SLC38A11: variants seen among roughly 807,000 people sequenced by gnomAD.
SLC38A11 encodes solute carrier family 38 member 11, also known as putative sodium-coupled neutral amino acid transporter 11.
SLC38A11 carries 51 observed loss-of-function variants against 49.4 expected under a neutral mutation model. The observed-to-expected ratio is 1.03, with a 90% CI of 0.83 to 1.30. The LOEUF is 1.30. SLC38A11 is among the 50% of genes most tolerant of loss of function. The pLI, the probability that SLC38A11 is intolerant of heterozygous loss-of-function variation, is 0.00. For synonymous variants in SLC38A11, 203 were observed against 192.9 expected, an observed-to-expected ratio of 1.05 and a Z score of -0.43; for missense variants, 574 against 556.2, an observed-to-expected ratio of 1.03 and a Z score of -0.32.
At chr2:164,952,108 C>T (rs963167223) in intron 3 of SLC38A11, among the ~76,000 whole-genome samples, 4 of 152,028 alleles carry the variant, frequency 2.6e-5, no homozygotes, top group African/African-American at 9.7e-5. Context: ...AGTTGTAAAG[C>T]CTGCATTTAA....
chr2:164,933,637 T>G (rs1046871833), intron 7 of SLC38A11, among the ~76,000 whole-genome samples: 1 of 152,140 alleles, frequency 6.6e-6, no homozygotes, highest in Admixed American at 6.6e-5. Flanking sequence ...AACACCACTT[T>G]AAAAGACCTA....
chr2:164,938,975 C>G (rs549991444), intron 6 of SLC38A11, among the ~76,000 whole-genome samples: 1 of 152,040 alleles, frequency 6.6e-6, no homozygotes, highest in Non-Finnish European at 1.5e-5. Flanking sequence ...TGGCAAAATT[C>G]TCAAAAATTG....
chr2:164,949,832 G>A (rs916557531), intron 3 of SLC38A11: 4 of 152,222 alleles, frequency 2.6e-5, no homozygotes, highest in Non-Finnish European at 5.9e-5. Context: ...GTCACAGAGT[G>A]AGAGAGCAGT....
At chr2:164,921,278 G>A (rs1015622268) in intron 7 of SLC38A11, among the ~76,000 whole-genome samples, 2 of 152,078 alleles carry the variant, frequency 1.3e-5, no homozygotes, top group South Asian at 2.1e-4. Flanking sequence ...TTCATTAAAA[G>A]CCATTTGTAA....
Position 164,896,217 on chromosome 2 carries a change from G to A in SLC38A11, c.*2220C>T, listed in dbSNP as rs1304010855. On this transcript the variant is annotated 3_prime_UTR_variant, in exon 12 of 12. Transcript: ENST00000685975. ...CCTAAGATTTATTAAATTATAATTT[G>A]AAAGATGTCGGTAATCCGTGCAGCT... 6.6e-6 allele frequency: 1 copy of A among 152,120 alleles called. No homozygotes were observed. The highest frequency in any genetic ancestry group is 1.5e-5 in the Non-Finnish European group (1 of 67,992). 9.4% of individuals were successfully genotyped at this position (152,120 alleles called of 1,614,324 possible). A position where few individuals can be genotyped will look rare whatever the true frequency, so the allele number is the denominator to read the frequency against.
chr2:164,911,620 A>C lies in SLC38A11; in HGVS notation c.963+16T>G. On this transcript the variant is annotated intron_variant, in intron 10 of 11. Transcript: ENST00000685975. The stretch of plus-strand genomic sequence containing the variant: ...GAGATCACCTGGGTAAAGCGTTGGG[A>C]AGGAACCGCGCTTACCTCTCTTGTC... 4 of 1,375,756 alleles carry C rather than the reference A, an allele frequency of 2.9e-6. No individual in the cohort carries two copies. Among genetic ancestry groups the C allele is most frequent in the Non-Finnish European group, 4.0e-6 (4 of 993,622 alleles). The allele number at this position is 1,375,756 out of a possible 1,614,324, so 85.2% of individuals were successfully genotyped here.
intron 2 of SLC38A11, among the ~76,000 whole-genome samples, chr2:164,954,244 C>T (rs541170906): frequency 2.0e-5 from 3 of 152,104 alleles, no homozygotes; most frequent in Non-Finnish European, 4.4e-5. Context: ...AAGTTTTATA[C>T]TTCTAGAAAG....
In SLC38A11 at chr2:164,898,098, C is replaced by G; in HGVS notation, c.*339G>C. 1 of 125,702 alleles carries G rather than the reference C, an allele frequency of 8.0e-6. No homozygotes were observed. Among genetic ancestry groups the G allele is most frequent in the East Asian group, 3.0e-4 (1 of 3,292 alleles). 7.8% of individuals were successfully genotyped at this position (125,702 alleles called of 1,614,324 possible). On this transcript the variant is annotated 3_prime_UTR_variant, in exon 12 of 12. Transcript: ENST00000685975. ...CACCAAAAGACATCTACACAAAATT[C>G]CAACCCACAATCACCTACTTATTTT... is the stretch of plus-strand genomic sequence containing the variant.
intron 11 of SLC38A11, among the ~76,000 whole-genome samples, chr2:164,906,690 A>T (rs1685030618): frequency 6.6e-6 from 1 of 152,154 alleles, no homozygotes; most frequent in Non-Finnish European, 1.5e-5. Flanking sequence ...CAAAACTGGG[A>T]AGAAGGTAAA....
intron 7 of SLC38A11, among the ~76,000 whole-genome samples, chr2:164,928,661 T>C (rs1370643448): frequency 2.0e-5 from 3 of 151,740 alleles, no homozygotes; most frequent in Non-Finnish European, 2.9e-5. Context: ...TATGTGTAGA[T>C]CCCTTCTCAC....
chr2:164,919,694 G>A (rs1334663518), intron 7 of SLC38A11, among the ~76,000 whole-genome samples: 4 of 152,112 alleles, frequency 2.6e-5, no homozygotes, highest in Non-Finnish European at 5.9e-5. Context: ...TCTCTAGATT[G>A]CTTACAATAT....
At chr2:164,953,452 A>G (rs1272878949) in intron 2 of SLC38A11, among the ~76,000 whole-genome samples, 2 of 152,230 alleles carry the variant, frequency 1.3e-5, no homozygotes, top group Middle Eastern at 3.2e-3. Context: ...GCTGCTGAGC[A>G]GTGGTACTGT....
At chr2:164,915,518 T>A (rs1050228620) in intron 8 of SLC38A11, 2 of 436,856 alleles carry the variant, frequency 4.6e-6, no homozygotes, top group African/African-American at 4.0e-5. Context: ...ACATTCTCTC[T>A]CATTTTCCTT....
intron 7 of SLC38A11, chr2:164,922,400 A>T (rs1343339514): frequency 1.3e-5 from 2 of 152,294 alleles, no homozygotes; most frequent in Non-Finnish European, 2.9e-5. Flanking sequence ...TGACAAGCAG[A>T]TCTGACCTCT....
chr2:164,900,541 C>G (rs186536969), intron 11 of SLC38A11, among the ~76,000 whole-genome samples: 1 of 152,150 alleles, frequency 6.6e-6, no homozygotes, highest in African/African-American at 2.4e-5. Context: ...TTGCATTTTC[C>G]TGATGATTAA....
intron 7 of SLC38A11, among the ~76,000 whole-genome samples, chr2:164,928,652 A>G (rs564397164): frequency 6.7e-4 from 102 of 152,234 alleles, no homozygotes; most frequent in African/African-American, 2.4e-3. Flanking sequence ...TTTTATTTCT[A>G]TGTGTAGATC....
At chr2:164,913,420 T>C (rs1224854758) in intron 9 of SLC38A11, among the ~76,000 whole-genome samples, 1 of 152,034 alleles carries the variant, frequency 6.6e-6, no homozygotes, top group Non-Finnish European at 1.5e-5. Context: ...CAAGCTGAAA[T>C]TTATCTACTG....
chr2:164,900,287 G>T (rs1684571208), intron 11 of SLC38A11, among the ~76,000 whole-genome samples: 1 of 151,960 alleles, frequency 6.6e-6, no homozygotes, highest in Non-Finnish European at 1.5e-5. Context: ...TTATGAGGTG[G>T]TGATTTCATC....
rs73970939 is a variant in SLC38A11 at position 164,952,556 on chromosome 2, C to T, written c.229+151G>A. Reference sequence around the variant, plus strand: ...GATTAGTAAGAAAAGTAAATCTCCTCAGGCATAAATGCTTAAATTCTTTAG... The same window carrying T: ...GATTAGTAAGAAAAGTAAATCTCCTTAGGCATAAATGCTTAAATTCTTTAG... On this transcript the variant is annotated intron_variant, in intron 3 of 11. Transcript: ENST00000685975. The T allele has an allele frequency of 2.3e-3, 1,555 of 664,312 alleles. 25 individuals are homozygous for T. In the African/African-American group the frequency reaches 0.025, roughly 11 times the overall value. The allele number at this position is 664,312 out of a possible 1,614,324, so 41.2% of individuals were successfully genotyped here.
Sources: gnomAD v4.1 joint callset for allele counts (sites outside exome capture counted in the v4.1 genomes callset) on GRCh38, gnomAD v4.1.1 for gene constraint, MANE v1.5 for transcripts, NCBI Gene and HGNC (gene_info 2026-07-23, HGNC 2026-07-21) for gene names.